HIBCH: variants seen among roughly 807,000 people sequenced by gnomAD.
HIBCH encodes the protein 3-hydroxyisobutyryl-CoA hydrolase.
In HIBCH, 50 loss-of-function variants were observed where a neutral mutation model predicts 58.2. The ratio of observed to expected loss-of-function variants is 0.86; its 90% CI spans 0.68 to 1.09. The LOEUF is 1.09. Ranked by LOEUF, HIBCH falls within the 50% of genes least tolerant of loss-of-function variation. HIBCH has a pLI of 0.00. For synonymous variants in HIBCH, 151 were observed against 146.9 expected, an observed-to-expected ratio of 1.03 and a Z score of -0.20; for missense variants, 450 against 449.7, an observed-to-expected ratio of 1.00 and a Z score of -0.01.
chr2:190,232,822 G>A (rs1686147108), intron 11 of HIBCH, among the ~76,000 whole-genome samples: 1 of 152,084 alleles, frequency 6.6e-6, no homozygotes. Flanking sequence ...GCCAGGTGTG[G>A]TGGCGGGCAC....
chr2:190,311,556 T>C (rs1688559453), intron 1 of HIBCH, among the ~76,000 whole-genome samples: 1 of 152,178 alleles, frequency 6.6e-6, no homozygotes, highest in South Asian at 2.1e-4. Context: ...AGTCTGGAAA[T>C]ACAAATCCAC....
rs993497600 is a variant in HIBCH, at chr2:190,273,816, C to A, written c.439-12582G>T. 3.9e-5 allele frequency among the ~76,000 whole-genome samples: 6 copies of A among 152,248 alleles called. No individual in the cohort carries two copies. The East Asian group carries it at 1.2e-3, about 29-fold the overall frequency. On this transcript the variant is annotated intron_variant, in intron 6 of 13. Transcript: ENST00000359678. ...AATAAAATTATTTCATCTCTTCTTT[C>A]ATAAACTCTCAGGTTCTCTTTTTTT...
Position 190,315,787 on chromosome 2 carries a change from T to C in HIBCH, c.35+3929A>G, listed in dbSNP as rs901798736. On this transcript the variant is annotated intron_variant, in intron 1 of 13. Transcript: ENST00000359678. This position sits in a 1 kb window ranked among gnomAD's most constrained non-coding sequence, Gnocchi z 5.4. ...GAGTTTTTATAAAGTAAAAACTCAA[T>C]GGAAAGGAATGTCAAAAATGACTTT... Among the ~76,000 whole-genome samples the C allele has an allele frequency of 1.3e-5, 2 of 152,080 alleles. No homozygotes were observed. The highest frequency in any genetic ancestry group is 2.9e-5 in the Non-Finnish European group (2 of 68,016).
rs1250102942 is a variant in HIBCH at position 190,204,014 on chromosome 2, TAAACAAAAATTAC to T, written c.*1090_*1102del. The T allele has an allele frequency of 1.3e-5, 2 of 152,012 alleles. No homozygotes were observed. The highest frequency in any genetic ancestry group is 2.9e-5 in the Non-Finnish European group (2 of 67,938). The allele number at this position is 152,012 out of a possible 1,614,324, so 9.4% of individuals were successfully genotyped here. On this transcript the variant is annotated 3_prime_UTR_variant, in exon 14 of 14. Coordinates refer to ENST00000359678, the MANE Select transcript of HIBCH (RefSeq NM_014362.4). ...TAATTTATAAACTTACCTTTAAAAT[TAAACAAAAATTAC>T]AAACAAAAAACAAAATCATAAATTT...
rs186114561 is a variant in HIBCH, at chr2:190,236,905, T to C, written c.891+7982A>G. Among the ~76,000 whole-genome samples the C allele has an allele frequency of 2.9e-4, 44 of 152,278 alleles. No individual in the cohort carries two copies. Among genetic ancestry groups the C allele is most frequent in the African/African-American group, 1.1e-3 (44 of 41,566 alleles). On this transcript the variant is annotated intron_variant, in intron 11 of 13. Transcript: ENST00000359678. This position sits in a 1 kb window ranked among gnomAD's most constrained non-coding sequence, Gnocchi z 4.1. Reference sequence around the variant, plus strand: ...CAGTGAACTAGAAAACTGTTTTCTCTTCTGTCTACATAAACTGATGCATTT... The same window carrying C: ...CAGTGAACTAGAAAACTGTTTTCTCCTCTGTCTACATAAACTGATGCATTT...
intron 10 of HIBCH, among the ~76,000 whole-genome samples, chr2:190,245,946 C>T (rs1686592947): frequency 6.8e-6 from 1 of 147,858 alleles, no homozygotes; most frequent in Admixed American, 6.8e-5. Context: ...GCTGAGATTG[C>T]ACCACTGCAC....
At chr2:190,248,689 CT>C (rs1686680123) in intron 9 of HIBCH, among the ~76,000 whole-genome samples, 4 of 151,916 alleles carry the variant, frequency 2.6e-5, no homozygotes, top group African/African-American at 9.7e-5. Flanking sequence ...TGGTGAAACC[CT>C]GTCTCTACTA....
intron 1 of HIBCH, among the ~76,000 whole-genome samples, chr2:190,314,337 ACATATATATGTG>A (rs1559068444): frequency 1.1e-4 from 11 of 102,172 alleles, no homozygotes; most frequent in African/African-American, 4.1e-4. Context: ...ATGTATATAT[ACATATATATGTG>A]TATATATACG....
At chr2:190,287,492 T>C (rs1482251661) in intron 6 of HIBCH, 94 bp downstream of exon 6, 2 of 829,236 alleles carry the variant, frequency 2.4e-6, no homozygotes, top group South Asian at 1.5e-5. Context: ...AGTTCTATTA[T>C]ATTACATTCA....
intron 4 of HIBCH, 121 bp from the exon 5 acceptor site, chr2:190,290,606 A>G (rs1334879165): frequency 4.2e-6 from 3 of 717,850 alleles, no homozygotes; most frequent in Non-Finnish European, 4.8e-6. Flanking sequence ...TGACTTGTTA[A>G]AAGTTTTGAA....
At chr2:190,244,993 C>T in intron 10 of HIBCH, 25 bp from the exon 11 acceptor site, 1 of 1,365,506 alleles carries the variant, frequency 7.3e-7, no homozygotes, top group Non-Finnish European at 1.0e-6. Flanking sequence ...AATGTGATTT[C>T]ACCAATGTGT....
At chr2:190,293,074 G>A (rs1687997018) in intron 4 of HIBCH, among the ~76,000 whole-genome samples, 1 of 152,152 alleles carries the variant, frequency 6.6e-6, no homozygotes, top group Non-Finnish European at 1.5e-5. Flanking sequence ...AGGCCTATAT[G>A]CAGAAATAGC....
downstream of HIBCH, chr2:190,201,068 A>AAGAT (rs1690224410): frequency 1.8e-5 from 3 of 167,062 alleles, no homozygotes; most frequent in Admixed American, 1.3e-4. Context: ...ATAATGCATG[A>AAGAT]AGATTTACAG....
chr2:190,215,398 TC>T lies in HIBCH; in HGVS notation c.892-2324del, dbSNP rs1164160814. ...ACTAATAATTAAAGGGATTAAAAAG[TC>T]CACTCCTAGGACATAAAATGTCTCA... is the stretch of plus-strand genomic sequence containing the variant. On this transcript the variant is annotated intron_variant, in intron 11 of 13. Transcript: ENST00000359678. The surrounding 1 kb of genome is among the most constrained non-coding windows in gnomAD (Gnocchi z 4.4). The T allele has an allele frequency of 6.6e-6, 1 of 152,106 alleles. No individual in the cohort carries two copies. Among genetic ancestry groups the T allele is most frequent in the African/African-American group, 2.4e-5 (1 of 41,408 alleles). 9.4% of individuals were successfully genotyped at this position (152,106 alleles called of 1,614,324 possible). A position where few individuals can be genotyped will look rare whatever the true frequency, so the allele number is the denominator to read the frequency against.
chr2:190,230,733 A>T (rs1457781907), intron 11 of HIBCH, among the ~76,000 whole-genome samples: 1 of 152,210 alleles, frequency 6.6e-6, no homozygotes, highest in Non-Finnish European at 1.5e-5. Context: ...AAACCTTCTC[A>T]CAAAGGAAAC....
intron 1 of HIBCH, among the ~76,000 whole-genome samples, chr2:190,195,941 CTTTT>C (rs35679833): frequency 9.3e-5 from 8 of 86,194 alleles, no homozygotes; most frequent in South Asian, 9.0e-4. Flanking sequence ...CTGTGTCCAG[CTTTT>C]TTTTTTTTTT....
At position 190,254,093 on chromosome 2, in the gene HIBCH, T is replaced by C. The variant is rs1197978680; in HGVS notation, c.518-1786A>G. On this transcript the variant is annotated intron_variant, in intron 7 of 13. Coordinates refer to ENST00000359678, the MANE Select transcript of HIBCH (RefSeq NM_014362.4). This position sits in a 1 kb window ranked among gnomAD's most constrained non-coding sequence, Gnocchi z 5.0. ...ACATTTTCCTTAACTCCTATGACTTTAAATAATATCTATATGCTGATTACT... is the reference window on the plus strand; with the variant it reads ...ACATTTTCCTTAACTCCTATGACTTCAAATAATATCTATATGCTGATTACT... 1.3e-5 allele frequency among the ~76,000 whole-genome samples: 2 copies of C among 152,126 alleles called. No homozygotes were observed. The highest frequency in any genetic ancestry group is 2.9e-5 in the Non-Finnish European group (2 of 68,024).
At chr2:190,212,833 T>C in intron 12 of HIBCH, 123 bp downstream of exon 12, 3 of 832,746 alleles carry the variant, frequency 3.6e-6, no homozygotes, top group African/African-American at 1.7e-5. Context: ...GTTGTGTTTT[T>C]GTAGAGTAAA....
At chr2:190,241,986 T>C (rs1236180904) in intron 11 of HIBCH, among the ~76,000 whole-genome samples, 3 of 152,178 alleles carry the variant, frequency 2.0e-5, no homozygotes, top group Non-Finnish European at 4.4e-5. Context: ...GTTCTCTGTA[T>C]TTCCTGAATT....
Sources: allele counts gnomAD v4.1 joint callset (sites outside exome capture counted in the v4.1 genomes callset), GRCh38; gene constraint gnomAD v4.1.1; non-coding constraint Gnocchi (gnomAD v3.1); transcripts MANE v1.5; gene names NCBI Gene and HGNC (gene_info 2026-07-23, HGNC 2026-07-21).